The following UBR1 variants were observed in gnomAD, a reference collection of about 807,000 sequenced individuals.
The protein encoded by UBR1 is E3 ubiquitin-protein ligase UBR1.
Under a neutral mutation model 242.1 loss-of-function variants are expected in UBR1, and 102 were observed. That is an observed-to-expected ratio of 0.42 (90% CI 0.36 to 0.50). The LOEUF (loss-of-function observed/expected upper bound fraction) is 0.50. UBR1 is among the 20% of genes least tolerant of loss of function. The pLI is 0.01. For synonymous variants in UBR1, 675 were observed against 684.8 expected, an observed-to-expected ratio of 0.99 and a Z score of 0.22; for missense variants, 1,772 against 2,101.8, an observed-to-expected ratio of 0.84 and a Z score of 3.07.
intron 44 of UBR1, among the ~76,000 whole-genome samples, chr15:42,957,432 T>TA (rs2031941253): frequency 6.6e-6 from 1 of 152,060 alleles, no homozygotes; most frequent in African/African-American, 2.4e-5. Flanking sequence ...ACTAAAGAGG[T>TA]GGTGATTGTA....
At chr15:43,038,605 A>G (rs1002012585) in intron 15 of UBR1, among the ~76,000 whole-genome samples, 2 of 152,118 alleles carry the variant, frequency 1.3e-5, no homozygotes, top group Non-Finnish European at 2.9e-5. Flanking sequence ...AAAAAGAAAG[A>G]AAGAAACTTG....
At chr15:42,950,187 T>G in intron 46 of UBR1, 75 bp downstream of exon 46, 1 of 1,297,406 alleles carries the variant, frequency 7.7e-7, no homozygotes, top group Non-Finnish European at 1.1e-6. Flanking sequence ...CATACAATAA[T>G]GTGACTGAAA....
At chr15:42,953,019 G>A (rs1026351574) in intron 44 of UBR1, among the ~76,000 whole-genome samples, 1 of 151,890 alleles carries the variant, frequency 6.6e-6, no homozygotes, top group Non-Finnish European at 1.5e-5. Flanking sequence ...GGCCTCCCCG[G>A]TCCAAGCAAT....
intron 18 of UBR1, 102 bp downstream of exon 18, chr15:43,036,426 A>T: frequency 8.4e-7 from 1 of 1,187,908 alleles, no homozygotes; most frequent in Non-Finnish European, 1.3e-6. Context: ...TTTAACAGTG[A>T]GAGTATTTTA....
chr15:43,002,525 A>C, intron 32 of UBR1, 30 bp downstream of exon 32: 1 of 1,608,260 alleles, frequency 6.2e-7, no homozygotes, highest in Non-Finnish European at 8.5e-7. Context: ...AACTTTTAAA[A>C]AATTAACCAA....
intron 30 of UBR1, among the ~76,000 whole-genome samples, chr15:43,004,740 T>C (rs2032780587): frequency 6.6e-6 from 1 of 152,004 alleles, no homozygotes; most frequent in East Asian, 1.9e-4. Flanking sequence ...AACCCCCTCC[T>C]CCCAGCCGCC....
intron 9 of UBR1, 31 bp from the exon 10 acceptor site, chr15:43,058,460 TGAG>T (rs2033644347): frequency 6.4e-7 from 1 of 1,554,026 alleles, no homozygotes; most frequent in Non-Finnish European, 8.8e-7. Context: ...GGTGGGGGAA[TGAG>T]GAGAATCACC....
intron 35 of UBR1, 104 bp from the exon 36 acceptor site, chr15:42,985,046 AT>A: frequency 1.0e-6 from 1 of 996,252 alleles, no homozygotes; most frequent in Non-Finnish European, 1.4e-6. Context: ...TGATGAGATG[AT>A]TTGCATTTTT....
At chr15:42,964,875 A>C (rs1284802665) in intron 41 of UBR1, among the ~76,000 whole-genome samples, 1 of 152,130 alleles carries the variant, frequency 6.6e-6, no homozygotes, top group Non-Finnish European at 1.5e-5. Flanking sequence ...TTCTATGAAA[A>C]CTATCTCAGA....
At position 42,977,955 on chromosome 15, in the gene UBR1, A is replaced by T; in HGVS notation, c.4151-8T>A. 6.2e-7 allele frequency: 1 copy of T among 1,608,352 alleles called. No homozygotes were observed. On this transcript the variant is annotated splice_region_variant and splice_polypyrimidine_tract_variant and intron_variant, in intron 37 of 46. Transcript: ENST00000290650. ...TTATGTTAGGAAGAACAACTAAAAC[A>T]AACAAAAAGTTAATGTAATTCAGTC... is the stretch of plus-strand genomic sequence containing the variant.
intron 6 of UBR1, among the ~76,000 whole-genome samples, chr15:43,067,021 C>T (rs1449499686): frequency 1.3e-5 from 2 of 152,144 alleles, no homozygotes; most frequent in East Asian, 1.9e-4. Flanking sequence ...GAATGGGTTA[C>T]TGGTGTGCCA....
At chr15:43,025,144 G>A (rs186407197) in intron 24 of UBR1, among the ~76,000 whole-genome samples, 161 bp from the exon 25 acceptor site, 345 of 152,264 alleles carry the variant, frequency 2.3e-3, no homozygotes, top group Non-Finnish European at 3.7e-3. Flanking sequence ...TCAATGTTAA[G>A]TGTAATGTAA....
intron 10 of UBR1, among the ~76,000 whole-genome samples, chr15:43,058,099 G>C (rs531825402): frequency 6.6e-6 from 1 of 151,838 alleles, no homozygotes; most frequent in Non-Finnish European, 1.5e-5. Flanking sequence ...TAGTAGAGAC[G>C]GGGTTTCACC....
intron 44 of UBR1, among the ~76,000 whole-genome samples, chr15:42,954,715 G>T (rs1367004293): frequency 6.6e-6 from 1 of 152,100 alleles, no homozygotes; most frequent in Non-Finnish European, 1.5e-5. Context: ...TACAGGATGC[G>T]CCAACATACC....
chr15:42,972,136 C>G (rs1039991525), intron 39 of UBR1, among the ~76,000 whole-genome samples: 7 of 152,282 alleles, frequency 4.6e-5, no homozygotes, highest in Admixed American at 2.0e-4. Context: ...TTTTTCATAA[C>G]AGTTTCACTG....
chr15:42,962,565 C>T (rs886199417), intron 42 of UBR1, among the ~76,000 whole-genome samples: 3 of 152,112 alleles, frequency 2.0e-5, no homozygotes, highest in African/African-American at 7.2e-5. Flanking sequence ...TCTCAGCTCA[C>T]TGCAACCTCC....
chr15:42,958,041 A>C lies in UBR1; in HGVS notation c.4807T>G (p.Cys1603Gly). Residue 1603 changes from cysteine (C) to glycine (G), a missense_variant, in exon 44 of 47, where the codon TGC becomes GGC. By Grantham distance (159) the Cys-to-Gly change is radical. Around this residue, in one of 3 missense-constraint regions of UBR1, gnomAD observed 965 missense variants for 1,079.7 expected, o/e 0.89. Coordinates refer to ENST00000290650, the MANE Select transcript of UBR1 (RefSeq NM_174916.3). ...SLIELPDDYS[C>G]LLNQASHFRC... ...AAATGAGAAGCTTGATTCAGGAGGC[A>C]GCTATAGTCATCAGGAAGCTCTATC... is the stretch of plus-strand genomic sequence containing the variant. 6.2e-7 allele frequency: 1 copy of C among 1,613,656 alleles called. No individual in the cohort carries two copies. Among genetic ancestry groups the C allele is most frequent in the Non-Finnish European group, 8.5e-7 (1 of 1,179,816 alleles).
At chr15:42,945,971 T>C (rs1263504753) in intron 46 of UBR1, among the ~76,000 whole-genome samples, 1 of 152,178 alleles carries the variant, frequency 6.6e-6, no homozygotes, top group Non-Finnish European at 1.5e-5. Flanking sequence ...AATAAAATAA[T>C]TATACTTCAA....
rs763104374 is a variant in UBR1 at position 43,047,317 on chromosome 15, C to G, written c.1540-28G>C. The G allele has an allele frequency of 4.3e-6, 7 of 1,613,828 alleles. No homozygotes were observed. The African/African-American group carries it at 9.3e-5, about 22-fold the overall frequency. On this transcript the variant is annotated intron_variant, in intron 13 of 46. Coordinates refer to ENST00000290650, the MANE Select transcript of UBR1 (RefSeq NM_174916.3). ...GCAATTACAAGTTGGTCAACATACACCTATCTGAGCCCTCTCTCTTTGCTC... is the reference window on the plus strand; with the variant it reads ...GCAATTACAAGTTGGTCAACATACAGCTATCTGAGCCCTCTCTCTTTGCTC...
Sources: allele counts gnomAD v4.1 joint callset (sites outside exome capture counted in the v4.1 genomes callset), GRCh38; gene constraint gnomAD v4.1.1; regional missense constraint gnomAD v4.1.1; transcripts MANE v1.5; gene names NCBI Gene and HGNC (gene_info 2026-07-23, HGNC 2026-07-21).